Variants in KIRREL3 observed in about 807,000 individuals in gnomAD.
The protein encoded by KIRREL3 is kin of IRRE-like protein 3.
In KIRREL3, 36 loss-of-function variants were observed where a neutral mutation model predicts 89.7. The observed-to-expected ratio is 0.40, with a 90% confidence interval of 0.31 to 0.53. KIRREL3 has a LOEUF of 0.53. KIRREL3 is among the 20% of genes least tolerant of loss of function. The pLI is 0.49. For missense variants in KIRREL3, 864 were observed against 1,056.6 expected, an observed-to-expected ratio of 0.82 and a Z score of 2.53; for synonymous variants, 445 against 441.4, an observed-to-expected ratio of 1.01 and a Z score of -0.10.
At chr11:126,438,971 A>G (rs1955461217) in intron 11 of KIRREL3, among the ~76,000 whole-genome samples, 1 of 152,206 alleles carries the variant, frequency 6.6e-6, no homozygotes, top group Admixed American at 6.5e-5. Context: ...GTCTTCTAGC[A>G]GGATTTTGCC....
At chr11:126,661,684 C>T (rs1278989492) in intron 1 of KIRREL3, among the ~76,000 whole-genome samples, 1 of 152,152 alleles carries the variant, frequency 6.6e-6, no homozygotes, top group Non-Finnish European at 1.5e-5. Flanking sequence ...CAGTGGTGCT[C>T]ATCATTGGCT....
chr11:126,694,879 T>TTTTCTTCA lies in KIRREL3; in HGVS notation c.56-131968_56-131967insTGAAGAAA, dbSNP rs919316955. Among the ~76,000 whole-genome samples the TTTTCTTCA allele has an allele frequency of 9.2e-5, 14 of 152,196 alleles. No homozygotes were observed. Among genetic ancestry groups the TTTTCTTCA allele is most frequent in the African/African-American group, 3.4e-4 (14 of 41,444 alleles). On this transcript the variant is annotated intron_variant, in intron 1 of 16. Transcript: ENST00000525144. The surrounding 1 kb of genome is among the most constrained non-coding windows in gnomAD (Gnocchi z 4.4). ...CAGGTAAGTCCCCAACCTATCTTCA[T>TTTTCTTCA]TTTCTTAACCTATGCCTTTTGACTC...
intron 3 of KIRREL3, among the ~76,000 whole-genome samples, chr11:126,524,871 T>C (rs1242636890): frequency 1.3e-5 from 2 of 152,200 alleles, no homozygotes; most frequent in Non-Finnish European, 2.9e-5. Flanking sequence ...GCAGAGTTAA[T>C]TGAGCATGTA....
At chr11:126,536,526 G>T (rs1015441423) in intron 2 of KIRREL3, among the ~76,000 whole-genome samples, 1 of 152,056 alleles carries the variant, frequency 6.6e-6, no homozygotes, top group Admixed American at 6.6e-5. Context: ...AGTACAAAGA[G>T]TGTGGGATTT....
At chr11:126,738,473 A>G (rs1475015627) in intron 1 of KIRREL3, among the ~76,000 whole-genome samples, 1 of 152,148 alleles carries the variant, frequency 6.6e-6, no homozygotes, top group African/African-American at 2.4e-5. Flanking sequence ...GCAGGACTGT[A>G]TGTGATGCGG....
rs989939196 is a variant in KIRREL3, at chr11:126,462,021, C to G, written c.742+1136G>C. On this transcript the variant is annotated intron_variant, in intron 6 of 16. Coordinates refer to ENST00000525144, the MANE Select transcript of KIRREL3 (RefSeq NM_032531.4). This position sits in a 1 kb window ranked among gnomAD's most constrained non-coding sequence, Gnocchi z 4.8. ...CACTTTTGAGTCCTGACTCTTTAAA[C>G]TGAACTAATCCAGTCTTGAGAGGAA... Among the ~76,000 whole-genome samples, 2 of 152,122 alleles carry G rather than the reference C, an allele frequency of 1.3e-5. No individual in the cohort carries two copies. Among genetic ancestry groups the G allele is most frequent in the African/African-American group, 4.8e-5 (2 of 41,416 alleles).
chr11:126,893,998 A>G lies in KIRREL3; in HGVS notation c.55+106457T>C, dbSNP rs1592297880. On this transcript the variant is annotated intron_variant, in intron 1 of 16. Coordinates refer to ENST00000525144, the MANE Select transcript of KIRREL3 (RefSeq NM_032531.4). ...GGCTGTAGATAATGAGATGGCGGGT[A>G]TGACAGTGTTGAGATTCAAGCAGCT... 4.6e-5 allele frequency among the ~76,000 whole-genome samples: 7 copies of G among 152,272 alleles called. No homozygotes were observed. The South Asian group carries it at 1.5e-3, about 32-fold the overall frequency.
At chr11:126,765,621 G>A (rs1160445049) in intron 1 of KIRREL3, among the ~76,000 whole-genome samples, 1 of 152,152 alleles carries the variant, frequency 6.6e-6, no homozygotes, top group Non-Finnish European at 1.5e-5. Flanking sequence ...GCTCCAGTAA[G>A]AAGGCAATAC....
At chr11:126,848,344 G>A (rs1330483012) in intron 1 of KIRREL3, among the ~76,000 whole-genome samples, 1 of 152,214 alleles carries the variant, frequency 6.6e-6, no homozygotes, top group African/African-American at 2.4e-5. Context: ...TTTGTCTTTA[G>A]TGAAAATGGA....
intron 1 of KIRREL3, among the ~76,000 whole-genome samples, chr11:126,573,877 G>A (rs188605165): frequency 3.3e-5 from 5 of 152,146 alleles, no homozygotes; most frequent in African/African-American, 1.2e-4. Flanking sequence ...TTGCTGGGGG[G>A]ATATCGCTGG....
chr11:126,435,320 C>G lies in KIRREL3; in HGVS notation c.1553-17G>C, dbSNP rs752050515. 6.2e-7 allele frequency: 1 copy of G among 1,610,532 alleles called. No individual in the cohort carries two copies. Among genetic ancestry groups the G allele is most frequent in the Non-Finnish European group, 8.5e-7 (1 of 1,177,760 alleles). On this transcript the variant is annotated splice_polypyrimidine_tract_variant and intron_variant, in intron 12 of 16. Coordinates refer to ENST00000525144, the MANE Select transcript of KIRREL3 (RefSeq NM_032531.4). The stretch of plus-strand genomic sequence containing the variant: ...TTTCCGAACCTGTTTGGAAATAAAG[C>G]AAGCGTCTACAGCCAGGGCCTGGCT...
Position 126,428,323 on chromosome 11 carries a change from C to G in KIRREL3, c.1806+856G>C, listed in dbSNP as rs375318167. ...ACCAGAAACTTCTAGCATGGTTGTC[C>G]AGGTTTCTGCTTGGACAACTAGGTA... On this transcript the variant is annotated intron_variant, in intron 15 of 16. Coordinates refer to ENST00000525144, the MANE Select transcript of KIRREL3 (RefSeq NM_032531.4). This position sits in a 1 kb window ranked among gnomAD's most constrained non-coding sequence, Gnocchi z 6.4. Among the ~76,000 whole-genome samples, 4,245 of 152,236 alleles carry G rather than the reference C, an allele frequency of 0.028. 84 individuals carry two copies. Among genetic ancestry groups the G allele is most frequent in the Middle Eastern group, 0.051 (15 of 294 alleles).
rs1022312360 is a variant in KIRREL3, at chr11:126,740,325, G to A, written c.56-177413C>T. Among the ~76,000 whole-genome samples the A allele has an allele frequency of 3.9e-5, 6 of 152,158 alleles. No homozygotes were observed. The highest frequency in any genetic ancestry group is 8.8e-5 in the Non-Finnish European group (6 of 68,032). ...AGCATAGAATATGATTTTATAAACAGGATAGAAAGAAATTAAAGTGCTGCA... is the reference window on the plus strand; with the variant it reads ...AGCATAGAATATGATTTTATAAACAAGATAGAAAGAAATTAAAGTGCTGCA... On this transcript the variant is annotated intron_variant, in intron 1 of 16. Transcript: ENST00000525144. The surrounding 1 kb of genome is among the most constrained non-coding windows in gnomAD (Gnocchi z 6.0).
At position 126,696,491 on chromosome 11, in the gene KIRREL3, C is replaced by A. The variant is rs1215699291; in HGVS notation, c.56-133579G>T. Among the ~76,000 whole-genome samples the A allele has an allele frequency of 6.6e-6, 1 of 152,182 alleles. No individual in the cohort carries two copies. Among genetic ancestry groups the A allele is most frequent in the Non-Finnish European group, 1.5e-5 (1 of 68,036 alleles). On this transcript the variant is annotated intron_variant, in intron 1 of 16. Transcript: ENST00000525144. The surrounding 1 kb of genome is among the most constrained non-coding windows in gnomAD (Gnocchi z 4.4). ...GCCTGCAAACTCCCACAGCTGTACG[C>A]AGGCATGTGGCCTCTTGCCTCGACA... is the stretch of plus-strand genomic sequence containing the variant.
chr11:126,621,201 A>G (rs765772339), intron 1 of KIRREL3, among the ~76,000 whole-genome samples: 3 of 152,222 alleles, frequency 2.0e-5, no homozygotes, highest in Non-Finnish European at 4.4e-5. Flanking sequence ...TTTAATCTTC[A>G]TTTGACTATT....
chr11:126,575,962 T>C lies in KIRREL3; in HGVS notation c.56-13050A>G, dbSNP rs564553810. 1.3e-5 allele frequency among the ~76,000 whole-genome samples: 2 copies of C among 152,204 alleles called. No individual in the cohort carries two copies. Among genetic ancestry groups the C allele is most frequent in the Non-Finnish European group, 2.9e-5 (2 of 68,048 alleles). ...CTTTGCTATGAGACTCCCTTATAGA[T>C]GCGACCACGGTTTTGAATTTTTGCT... On this transcript the variant is annotated intron_variant, in intron 1 of 16. Transcript: ENST00000525144. The surrounding 1 kb of genome is among the most constrained non-coding windows in gnomAD (Gnocchi z 7.0).
Position 126,763,428 on chromosome 11 carries a change from G to T in KIRREL3, c.56-200516C>A, listed in dbSNP as rs1221655502. ...CTCTGATGCAGGGGGAGAAGAGCAG[G>T]GAGAGGGCATGAGGATGCAGTGGGT... On this transcript the variant is annotated intron_variant, in intron 1 of 16. Coordinates refer to ENST00000525144, the MANE Select transcript of KIRREL3 (RefSeq NM_032531.4). This position sits in a 1 kb window ranked among gnomAD's most constrained non-coding sequence, Gnocchi z 4.7. Among the ~76,000 whole-genome samples, 3 of 152,186 alleles carry T rather than the reference G, an allele frequency of 2.0e-5. No individual in the cohort carries two copies. Among genetic ancestry groups the T allele is most frequent in the Non-Finnish European group, 4.4e-5 (3 of 68,034 alleles).
intron 2 of KIRREL3, among the ~76,000 whole-genome samples, chr11:126,556,450 G>C (rs1321073572): frequency 1.3e-5 from 2 of 152,116 alleles, no homozygotes; most frequent in Admixed American, 6.5e-5. Context: ...AGACCAGTCT[G>C]GGCAACATAG....
At chr11:126,810,308 G>A (rs925800015) in intron 1 of KIRREL3, among the ~76,000 whole-genome samples, 4 of 152,164 alleles carry the variant, frequency 2.6e-5, no homozygotes, top group South Asian at 2.1e-4. Context: ...CAGCAACAGC[G>A]GAAATCAGTG....
Sources: gnomAD v4.1 joint callset for allele counts (sites outside exome capture counted in the v4.1 genomes callset) on GRCh38, gnomAD v4.1.1 for gene constraint, Gnocchi (gnomAD v3.1) non-coding constraint, MANE v1.5 for transcripts, NCBI Gene and HGNC (gene_info 2026-07-23, HGNC 2026-07-21) for gene names.